Variants in MAST2 observed in about 807,000 individuals in gnomAD.
MAST2 encodes microtubule associated serine/threonine kinase 2.
Under a neutral mutation model 147.4 loss-of-function variants are expected in MAST2, and 70 were observed. That is an observed-to-expected ratio of 0.47 (90% CI 0.39 to 0.58). The LOEUF (loss-of-function observed/expected upper bound fraction) is 0.58, where lower values mean the gene tolerates loss of function less well. Among genes scored for constraint, MAST2 ranks in the 20% least tolerant of loss-of-function variants. The pLI is 0.00. For synonymous variants in MAST2, 869 were observed against 896.8 expected, an observed-to-expected ratio of 0.97 and a Z score of 0.55; for missense variants, 2,080 against 2,302.3, an observed-to-expected ratio of 0.90 and a Z score of 1.98.
intron 3 of MAST2, among the ~76,000 whole-genome samples, chr1:45,852,720 GA>G (rs1163249563): frequency 6.6e-6 from 1 of 151,784 alleles, no homozygotes; most frequent in Non-Finnish European, 1.5e-5. Context: ...AACCTTTTGA[GA>G]TTTTTTTCAG....
chr1:46,003,247 T>C (rs775387333), intron 7 of MAST2, among the ~76,000 whole-genome samples: 9 of 152,210 alleles, frequency 5.9e-5, no homozygotes, highest in Non-Finnish European at 1.2e-4. Flanking sequence ...GCAGATCACC[T>C]TTCTCATATC....
At chr1:45,816,340 A>G (rs185285706) in intron 1 of MAST2, among the ~76,000 whole-genome samples, 105 of 152,320 alleles carry the variant, frequency 6.9e-4, no homozygotes, top group Non-Finnish European at 1.2e-3. Flanking sequence ...TAACTCTTCA[A>G]TGCCCAGACA....
intron 4 of MAST2, among the ~76,000 whole-genome samples, chr1:45,904,421 G>A (rs1160956373): frequency 6.6e-6 from 1 of 151,956 alleles, no homozygotes; most frequent in Admixed American, 6.6e-5. Context: ...CGATCCACCT[G>A]CCTTGGCCTC....
At chr1:45,897,411 T>C (rs1186220765) in intron 4 of MAST2, among the ~76,000 whole-genome samples, 1 of 152,224 alleles carries the variant, frequency 6.6e-6, no homozygotes, top group Non-Finnish European at 1.5e-5. Context: ...TTCTTAGAAA[T>C]CATCTCTGAT....
At chr1:45,854,419 C>T (rs1465588978) in intron 3 of MAST2, among the ~76,000 whole-genome samples, 1 of 151,842 alleles carries the variant, frequency 6.6e-6, no homozygotes, top group African/African-American at 2.4e-5. Context: ...ATGGGACTCT[C>T]CTTCTGCCAT....
In MAST2 at chr1:46,031,864, C is replaced by G. The variant is rs563113093; in HGVS notation, c.3187+279C>G. On this transcript the variant is annotated intron_variant, in intron 24 of 28. Coordinates refer to ENST00000361297, the MANE Select transcript of MAST2 (RefSeq NM_015112.3). The surrounding 1 kb of genome is among the most constrained non-coding windows in gnomAD (Gnocchi z 4.1). ...TGACCTTGAGCAAGTTGCTTAACTTCTCTAAGCCTCAAGTTTCTTATCCAA... is the reference window on the plus strand; with the variant it reads ...TGACCTTGAGCAAGTTGCTTAACTTGTCTAAGCCTCAAGTTTCTTATCCAA... 6.6e-6 allele frequency among the ~76,000 whole-genome samples: 1 copy of G among 152,322 alleles called. No homozygotes were observed. Among genetic ancestry groups the G allele is most frequent in the South Asian group, 2.1e-4 (1 of 4,822 alleles).
intron 1 of MAST2, among the ~76,000 whole-genome samples, chr1:45,805,693 C>T (rs1043635650): frequency 1.3e-5 from 2 of 152,162 alleles, no homozygotes; most frequent in Non-Finnish European, 2.9e-5. Context: ...TCATCCTTAG[C>T]TTCAGTCTCA....
chr1:45,814,183 T>C (rs898321863), intron 1 of MAST2, among the ~76,000 whole-genome samples: 1 of 152,182 alleles, frequency 6.6e-6, no homozygotes, highest in Admixed American at 6.5e-5. Flanking sequence ...TACTATACTT[T>C]CTACTGTTAT....
chr1:45,894,360 G>A (rs991451468), intron 4 of MAST2, among the ~76,000 whole-genome samples: 2 of 152,090 alleles, frequency 1.3e-5, no homozygotes, highest in African/African-American at 2.4e-5. Context: ...ATAATACCTG[G>A]TTACTTATTT....
intron 3 of MAST2, among the ~76,000 whole-genome samples, chr1:45,844,826 C>T (rs572996414): frequency 1.5e-4 from 23 of 152,014 alleles, no homozygotes; most frequent in Middle Eastern, 3.2e-3. Flanking sequence ...ACAGAATACT[C>T]GAAACTGGGT....
chr1:45,828,080 T>C (rs1360974209), intron 2 of MAST2, among the ~76,000 whole-genome samples: 1 of 152,092 alleles, frequency 6.6e-6, no homozygotes, highest in Non-Finnish European at 1.5e-5. Context: ...ATCCTCCTGC[T>C]TCGGCCTCCC....
chr1:46,028,522 G>A (rs1243488648), intron 17 of MAST2, among the ~76,000 whole-genome samples: 1 of 152,218 alleles, frequency 6.6e-6, no homozygotes, highest in African/African-American at 2.4e-5. Context: ...GCCAGAGGTG[G>A]GTGTTGAGGG....
At chr1:45,922,723 C>T (rs1034354254) in intron 4 of MAST2, among the ~76,000 whole-genome samples, 1 of 152,162 alleles carries the variant, frequency 6.6e-6, no homozygotes, top group Non-Finnish European at 1.5e-5. Context: ...GCGGTGGTGG[C>T]TGCACCTGGG....
chr1:46,000,231 T>C (rs371046774), intron 6 of MAST2, among the ~76,000 whole-genome samples: 2 of 152,174 alleles, frequency 1.3e-5, no homozygotes, highest in South Asian at 4.1e-4. Context: ...GGAGAATCAC[T>C]TGAATCCGGG....
chr1:45,832,441 T>G (rs1365544022), intron 3 of MAST2, among the ~76,000 whole-genome samples: 1 of 151,978 alleles, frequency 6.6e-6, no homozygotes, highest in East Asian at 1.9e-4. Context: ...ATTACAGATG[T>G]GTGCCACCTC....
chr1:45,895,801 A>G (rs1352577585), intron 4 of MAST2, among the ~76,000 whole-genome samples: 1 of 152,248 alleles, frequency 6.6e-6, no homozygotes, highest in African/African-American at 2.4e-5. Flanking sequence ...TTTTTATACA[A>G]TTGAAAATGG....
chr1:45,996,334 G>A (rs535517494), intron 5 of MAST2, among the ~76,000 whole-genome samples: 2 of 151,862 alleles, frequency 1.3e-5, no homozygotes, highest in African/African-American at 4.8e-5. Flanking sequence ...GTTAATCTTT[G>A]ACATGAGATG....
intron 10 of MAST2, among the ~76,000 whole-genome samples, chr1:46,016,748 C>T (rs1411821883): frequency 3.3e-5 from 5 of 152,170 alleles, no homozygotes; most frequent in African/African-American, 1.2e-4. Context: ...CCATACTGCC[C>T]AAGGTAATTT....
intron 9 of MAST2, among the ~76,000 whole-genome samples, chr1:46,009,616 G>A (rs183705490): frequency 9.7e-4 from 147 of 152,310 alleles, no homozygotes; most frequent in Non-Finnish European, 1.8e-3. Context: ...TCTCATGCTT[G>A]TCCTCCTCCT....
Sources: gnomAD v4.1 joint callset for allele counts (sites outside exome capture counted in the v4.1 genomes callset) on GRCh38, gnomAD v4.1.1 for gene constraint, Gnocchi (gnomAD v3.1) non-coding constraint, MANE v1.5 for transcripts, NCBI Gene and HGNC (gene_info 2026-07-23, HGNC 2026-07-21) for gene names.